Variants in ATP2B2 observed in about 807,000 individuals in gnomAD.
The protein encoded by ATP2B2 is plasma membrane calcium-transporting ATPase 2.
A neutral mutation model predicts 120.0 loss-of-function variants in ATP2B2; 15 were observed. The ratio of observed to expected loss-of-function variants is 0.12; its 90% CI spans 0.08 to 0.19. The LOEUF is 0.19. Among genes scored for constraint, ATP2B2 ranks in the 10% least tolerant of loss-of-function variants. ATP2B2 has a pLI of 1.00. For synonymous variants in ATP2B2, 694 were observed against 700.3 expected, an observed-to-expected ratio of 0.99 and a Z score of 0.14; for missense variants, 1,045 against 1,719.8, an observed-to-expected ratio of 0.61 and a Z score of 6.94.
chr3:10,624,484 G>C (rs4684730), intron 1 of ATP2B2, among the ~76,000 whole-genome samples: 34,629 of 152,058 alleles, frequency 0.23, 4,284 homozygotes, highest in East Asian at 0.52. Flanking sequence ...GATTGTGCCT[G>C]GACACTGGTG....
At chr3:10,674,839 C>A (rs1003758724) in intron 1 of ATP2B2, among the ~76,000 whole-genome samples, 3 of 152,212 alleles carry the variant, frequency 2.0e-5, no homozygotes, top group African/African-American at 4.8e-5. Context: ...GGAAAGTCAA[C>A]AGGGACGCAC....
chr3:10,497,839 C>T (rs991994155), intron 1 of ATP2B2, among the ~76,000 whole-genome samples: 1 of 152,176 alleles, frequency 6.6e-6, no homozygotes, highest in Non-Finnish European at 1.5e-5. Flanking sequence ...ACAGCTGCTC[C>T]GGCAAGCAGG....
At chr3:10,519,281 C>T (rs1256187312) in intron 3 of ATP2B2, among the ~76,000 whole-genome samples, 2 of 152,188 alleles carry the variant, frequency 1.3e-5, no homozygotes, top group Non-Finnish European at 2.9e-5. Context: ...CTTTGGGGTC[C>T]CCTGAATTAG....
In ATP2B2 at chr3:10,326,425, C is replaced by A; in HGVS notation, c.*2389G>T. 3.2e-6 allele frequency: 1 copy of A among 313,426 alleles called. No individual in the cohort carries two copies. The highest frequency in any genetic ancestry group is 5.8e-6 in the Non-Finnish European group (1 of 172,336). 19.4% of individuals were successfully genotyped at this position (313,426 alleles called of 1,614,324 possible). ...AGAACCCCTCCTGGCTCCGAATGAA[C>A]ATGGAGCATGGTGTGCAAACACAGC... On this transcript the variant is annotated 3_prime_UTR_variant, in exon 23 of 23. Coordinates refer to ENST00000360273, the MANE Select transcript of ATP2B2 (RefSeq NM_001001331.4).
At chr3:10,552,899 T>A (rs1422297764) in intron 2 of ATP2B2, among the ~76,000 whole-genome samples, 4 of 151,070 alleles carry the variant, frequency 2.6e-5, no homozygotes, top group East Asian at 3.9e-4. Flanking sequence ...ACTTTCTATG[T>A]GCTGTCTCAT....
At chr3:10,466,129 C>T (rs962901610) in intron 1 of ATP2B2, among the ~76,000 whole-genome samples, 1 of 152,218 alleles carries the variant, frequency 6.6e-6, no homozygotes, top group East Asian at 1.9e-4. Context: ...ACAGGGAGTT[C>T]ACTCTCTTTG....
chr3:10,338,397 C>T lies in ATP2B2; in HGVS notation c.3238-39G>A, dbSNP rs187189706. The T allele has an allele frequency of 8.7e-6, 14 of 1,612,584 alleles. No individual in the cohort carries two copies. In the African/African-American group the frequency reaches 1.7e-4, roughly 20 times the overall value. ...TGTCTGTCAGGACGGTGGGGCTGTC[C>T]TTCCCAGTGGCCTTCTCTCCCTGAC... is the stretch of plus-strand genomic sequence containing the variant. On this transcript the variant is annotated intron_variant, in intron 21 of 22. Transcript: ENST00000360273.
At chr3:10,619,619 G>A (rs900820500) in intron 2 of ATP2B2, among the ~76,000 whole-genome samples, 2 of 152,226 alleles carry the variant, frequency 1.3e-5, no homozygotes, top group African/African-American at 2.4e-5. Context: ...CGAGGACAGG[G>A]GAGGCGGTCA....
At chr3:10,678,501 C>A (rs2071301679) in intron 1 of ATP2B2, among the ~76,000 whole-genome samples, 1 of 152,138 alleles carries the variant, frequency 6.6e-6, no homozygotes, top group Admixed American at 6.5e-5. Flanking sequence ...AGATGCTGGC[C>A]CTGGCTTCTG....
At chr3:10,415,259 C>T (rs1385311275) in intron 2 of ATP2B2, among the ~76,000 whole-genome samples, 3 of 152,220 alleles carry the variant, frequency 2.0e-5, no homozygotes, top group African/African-American at 7.2e-5. Flanking sequence ...GAGTGTAGTG[C>T]TGTGCCTGGC....
At chr3:10,485,547 C>CGTAT (rs1559397338) in intron 1 of ATP2B2, among the ~76,000 whole-genome samples, 1 of 152,198 alleles carries the variant, frequency 6.6e-6, no homozygotes, top group Non-Finnish European at 1.5e-5. Flanking sequence ...TCCCTGCCTC[C>CGTAT]GTATGGAGCT....
intron 1 of ATP2B2, among the ~76,000 whole-genome samples, chr3:10,622,731 G>A (rs1559491713): frequency 6.6e-6 from 1 of 152,202 alleles, no homozygotes; most frequent in Non-Finnish European, 1.5e-5. Flanking sequence ...AGCATGGCCT[G>A]GGGGCCTTGC....
At chr3:10,508,728 T>C (rs2066699494), upstream of ATP2B2, among the ~76,000 whole-genome samples, 1 of 152,174 alleles carries the variant, frequency 6.6e-6, no homozygotes, top group African/African-American at 2.4e-5. Context: ...GCAGGGGGTA[T>C]TGGACAGGCA....
intron 2 of ATP2B2, among the ~76,000 whole-genome samples, chr3:10,437,821 G>A (rs1575221802): frequency 2.6e-5 from 4 of 152,120 alleles, no homozygotes; most frequent in African/African-American, 7.2e-5. Context: ...TTAAGATGAG[G>A]CCATTAGGGT....
At chr3:10,630,419 G>A (rs889127795) in intron 1 of ATP2B2, among the ~76,000 whole-genome samples, 12 of 152,174 alleles carry the variant, frequency 7.9e-5, no homozygotes, top group East Asian at 3.9e-4. Flanking sequence ...ATGTACATGC[G>A]GTATTTGATT....
At chr3:10,648,225 T>C (rs2070369700) in intron 1 of ATP2B2, among the ~76,000 whole-genome samples, 2 of 152,174 alleles carry the variant, frequency 1.3e-5, no homozygotes, top group Non-Finnish European at 1.5e-5. Context: ...CTTAGCTGGA[T>C]TGACCTCTCA....
chr3:10,544,628 G>A (rs543885987), intron 2 of ATP2B2, among the ~76,000 whole-genome samples: 50 of 152,266 alleles, frequency 3.3e-4, no homozygotes, highest in African/African-American at 8.4e-4. Context: ...GAGGTGTGTG[G>A]ATCAGGCTCC....
Position 10,327,622 on chromosome 3 carries a change from T to A in ATP2B2, c.*1192A>T, listed in dbSNP as rs2125314546. On this transcript the variant is annotated 3_prime_UTR_variant, in exon 23 of 23. Coordinates refer to ENST00000360273, the MANE Select transcript of ATP2B2 (RefSeq NM_001001331.4). ...TACAGACAGTGCCAAAGAGAACCTATTTTTGAAATGCTCTTAGTAAACTCA... is the reference window on the plus strand; with the variant it reads ...TACAGACAGTGCCAAAGAGAACCTAATTTTGAAATGCTCTTAGTAAACTCA... 6.5e-6 allele frequency: 1 copy of A among 152,824 alleles called. No individual in the cohort carries two copies. The highest frequency in any genetic ancestry group is 2.1e-4 in the South Asian group (1 of 4,834). 9.5% of individuals were successfully genotyped at this position (152,824 alleles called of 1,614,324 possible).
At chr3:10,650,860 C>A (rs546399087) in intron 1 of ATP2B2, among the ~76,000 whole-genome samples, 46 of 152,346 alleles carry the variant, frequency 3.0e-4, no homozygotes, top group African/African-American at 1.1e-3. Flanking sequence ...CAGGGTTGAG[C>A]TTCCCAAGGC....
Sources: allele counts gnomAD v4.1 joint callset (sites outside exome capture counted in the v4.1 genomes callset), GRCh38; gene constraint gnomAD v4.1.1; transcripts MANE v1.5; gene names NCBI Gene and HGNC (gene_info 2026-07-23, HGNC 2026-07-21).